ITGAV: variants seen among roughly 807,000 people sequenced by gnomAD.
ITGAV encodes integrin subunit alpha V.
Under a neutral mutation model 143.8 loss-of-function variants are expected in ITGAV, and 76 were observed. The observed-to-expected ratio is 0.53, with a 90% CI of 0.44 to 0.64. The LOEUF (loss-of-function observed/expected upper bound fraction) is 0.64. ITGAV is among the 30% of genes least tolerant of loss of function. The probability of loss-of-function intolerance (pLI) is 0.00; values close to 1 mark genes in which losing one functional copy is unlikely to be tolerated. For synonymous variants in ITGAV, 453 were observed against 446.7 expected (o/e 1.01, Z -0.18); for missense variants, 1,193 against 1,274.7 (o/e 0.94, Z 0.98).
At chr2:186,598,930 C>G (rs1343379045) in intron 1 of ITGAV, among the ~76,000 whole-genome samples, 1 of 152,090 alleles carries the variant, frequency 6.6e-6, no homozygotes, top group Non-Finnish European at 1.5e-5. Flanking sequence ...AGATAAGTGT[C>G]AGAAAGCAGG....
At position 186,677,402 on chromosome 2, in the gene ITGAV, T is replaced by G; in HGVS notation, c.*110T>G. The G allele has an allele frequency of 2.7e-6, 2 of 749,214 alleles. No homozygotes were observed. Among genetic ancestry groups the G allele is most frequent in the Non-Finnish European group, 4.5e-6 (2 of 442,164 alleles). 46.4% of individuals were successfully genotyped at this position (749,214 alleles called of 1,614,324 possible). On this transcript the variant is annotated 3_prime_UTR_variant, in exon 30 of 30. Transcript: ENST00000261023. ...AAATCCAAGGCTTTACTGCTGATAG[T>G]GCTAATTGGCATTAACCACAAAATG...
intron 1 of ITGAV, among the ~76,000 whole-genome samples, chr2:186,600,049 ATTC>A (rs754750141): frequency 6.6e-6 from 1 of 152,082 alleles, no homozygotes; most frequent in African/African-American, 2.4e-5. Context: ...AGATGATTTC[ATTC>A]TTCTTAAAAA....
Position 186,667,241 on chromosome 2 carries a change from A to ATACT in ITGAV, c.2327+14_2327+17dup. ...AGTTGAGATAAGAGGGTCAGTATGA[A>ATACT]TACTTAGTTGAGTATCTCATTCTCA... On this transcript the variant is annotated intron_variant, in intron 23 of 29. Transcript: ENST00000261023. 1 of 1,581,918 alleles carries ATACT rather than the reference A, an allele frequency of 6.3e-7. No homozygotes were observed. The highest frequency in any genetic ancestry group is 1.1e-5 in the South Asian group (1 of 89,210).
In ITGAV at chr2:186,666,765, T is replaced by C; in HGVS notation, c.2228T>C (p.Phe743Ser). 1 of 1,579,378 alleles carries C rather than the reference T, an allele frequency of 6.3e-7. No individual in the cohort carries two copies. Reference sequence around the variant, plus strand: ...TCAGAGATGGATACTTCTGTGAAATTTGACTTACAAATCCAAAGGTATGAA... The same window carrying C: ...TCAGAGATGGATACTTCTGTGAAATCTGACTTACAAATCCAAAGGTATGAA... ...QQSEMDTSVKFDLQIQSSNLF... is the reference protein window; with the variant it reads ...QQSEMDTSVKSDLQIQSSNLF... Residue 743 changes from phenylalanine to serine, a missense_variant, in exon 22 of 30, where the codon TTT becomes TCT. Physicochemically the swap from Phe to Ser is radical, Grantham distance 155. Transcript: ENST00000261023.
At chr2:186,671,471 C>G (rs1689061350) in intron 26 of ITGAV, among the ~76,000 whole-genome samples, 1 of 152,016 alleles carries the variant, frequency 6.6e-6, no homozygotes, top group African/African-American at 2.4e-5. Flanking sequence ...GCTTATTTTC[C>G]CATATCCTTC....
At chr2:186,652,149 C>T (rs1688452435) in intron 15 of ITGAV, 60 bp downstream of exon 15, 2 of 1,061,194 alleles carry the variant, frequency 1.9e-6, no homozygotes, top group Non-Finnish European at 2.9e-6. Flanking sequence ...ATTGTAAGAA[C>T]AATTGAAAAT....
At chr2:186,608,384 T>C (rs1197716242) in intron 2 of ITGAV, among the ~76,000 whole-genome samples, 1 of 152,164 alleles carries the variant, frequency 6.6e-6, no homozygotes, top group African/African-American at 2.4e-5. Context: ...TTTGAAAAAA[T>C]AGAATAGTAA....
At chr2:186,663,290 A>G (rs1299861596) in intron 18 of ITGAV, among the ~76,000 whole-genome samples, 1 of 152,104 alleles carries the variant, frequency 6.6e-6, no homozygotes, top group Non-Finnish European at 1.5e-5. Context: ...TTGCTGCTGA[A>G]TATCTACAGC....
intron 12 of ITGAV, among the ~76,000 whole-genome samples, chr2:186,645,042 C>G (rs748597996): frequency 2.0e-5 from 3 of 152,084 alleles, no homozygotes; most frequent in Non-Finnish European, 2.9e-5. Flanking sequence ...AGGCAAGATA[C>G]GACATGTCCT....
intron 2 of ITGAV, among the ~76,000 whole-genome samples, chr2:186,604,811 G>A (rs1398215350): frequency 5.9e-5 from 9 of 152,090 alleles, no homozygotes; most frequent in African/African-American, 2.2e-4. Context: ...CTGTTAATTT[G>A]TGATTTTTAA....
At chr2:186,654,183 ATT>A (rs1290817177) in intron 15 of ITGAV, among the ~76,000 whole-genome samples, 1 of 152,082 alleles carries the variant, frequency 6.6e-6, no homozygotes, top group Non-Finnish European at 1.5e-5. Context: ...AAATACAAAA[ATT>A]AGCCGGGTGT....
intron 17 of ITGAV, among the ~76,000 whole-genome samples, chr2:186,657,870 C>T (rs1162886417): frequency 1.3e-5 from 2 of 152,042 alleles, no homozygotes; most frequent in African/African-American, 4.8e-5. Flanking sequence ...CTTTACAAAA[C>T]GACAAAGCCC....
chr2:186,667,367 A>G (rs1347960944), intron 23 of ITGAV, 137 bp downstream of exon 23: 9 of 636,412 alleles, frequency 1.4e-5, no homozygotes, highest in Non-Finnish European at 2.4e-5. Flanking sequence ...TTCTGTAGAA[A>G]TAAAATCCTA....
chr2:186,680,000 C>T lies in ITGAV; in HGVS notation c.*2708C>T, dbSNP rs200205831. On this transcript the variant is annotated 3_prime_UTR_variant, in exon 30 of 30. Coordinates refer to ENST00000261023, the MANE Select transcript of ITGAV (RefSeq NM_002210.5). ...AAAGATTTTTGATAGTGAATCATGA[C>T]CCTAAGGGAGAGATTTGTGTGATAA... 1 of 152,018 alleles carries T rather than the reference C, an allele frequency of 6.6e-6. No individual in the cohort carries two copies. 9.4% of individuals were successfully genotyped at this position (152,018 alleles called of 1,614,324 possible). A position where few individuals can be genotyped will look rare whatever the true frequency, so the allele number is the denominator to read the frequency against.
In ITGAV at chr2:186,667,237, A is replaced by C; in HGVS notation, c.2327+7A>C. On this transcript the variant is annotated splice_region_variant and intron_variant, in intron 23 of 29. Transcript: ENST00000261023. ...CTGCAGTTGAGATAAGAGGGTCAGT[A>C]TGAATACTTAGTTGAGTATCTCATT... 6.3e-7 allele frequency: 1 copy of C among 1,590,968 alleles called. No individual in the cohort carries two copies. The highest frequency in any genetic ancestry group is 8.6e-7 in the Non-Finnish European group (1 of 1,160,218).
In ITGAV at chr2:186,638,313, T is replaced by C. The variant is rs1688003270; in HGVS notation, c.839T>C (p.Leu280Ser). 1 of 1,613,818 alleles carries C rather than the reference T, an allele frequency of 6.2e-7. No homozygotes were observed. The highest frequency in any genetic ancestry group is 8.5e-7 in the Non-Finnish European group (1 of 1,179,750). Residue 280 changes from leucine (L) to serine (S), a missense_variant, in exon 9 of 30, where the codon TTG (leucine) becomes TCG (serine). Coordinates refer to ENST00000261023, the MANE Select transcript of ITGAV (RefSeq NM_002210.5). ...VSGVPRAART[L>S]GMVYIYDGKN... ...GGAGTTCCAAGAGCAGCAAGGACTT[T>C]GGGAATGGTAGGACAGTTAAAAGGT...
chr2:186,594,285 A>G (rs1441384409), intron 1 of ITGAV, among the ~76,000 whole-genome samples: 5 of 152,312 alleles, frequency 3.3e-5, no homozygotes, highest in South Asian at 2.1e-4. Flanking sequence ...CTCTGTTTCT[A>G]TTAATGCTGG....
At chr2:186,605,059 C>T (rs1346585016) in intron 2 of ITGAV, among the ~76,000 whole-genome samples, 2 of 152,192 alleles carry the variant, frequency 1.3e-5, no homozygotes, top group African/African-American at 2.4e-5. Context: ...TGACTATTTA[C>T]AGAGGTCTGT....
At chr2:186,632,556 C>T (rs1687842107) in intron 5 of ITGAV, among the ~76,000 whole-genome samples, 1 of 152,026 alleles carries the variant, frequency 6.6e-6, no homozygotes. Context: ...CACAATATAC[C>T]TAGGATTAGA....
Sources: allele counts gnomAD v4.1 joint callset (sites outside exome capture counted in the v4.1 genomes callset), GRCh38; gene constraint gnomAD v4.1.1; transcripts MANE v1.5; gene names NCBI Gene and HGNC (gene_info 2026-07-23, HGNC 2026-07-21).